The following CNTRL variants were observed in gnomAD, a reference collection of about 807,000 sequenced individuals.
The protein encoded by CNTRL is centriolin.
Under a neutral mutation model 303.7 loss-of-function variants are expected in CNTRL, and 233 were observed. The ratio of observed to expected loss-of-function variants is 0.77; its 90% confidence interval spans 0.69 to 0.86. The LOEUF is 0.86. Among genes scored for constraint, CNTRL ranks in the 40% least tolerant of loss-of-function variants. CNTRL has a pLI of 0.00. For synonymous variants in CNTRL, 900 were observed against 922.2 expected (o/e 0.98, Z 0.44); for missense variants, 2,524 against 2,650.6 (o/e 0.95, Z 1.05).
intron 15 of CNTRL, among the ~76,000 whole-genome samples, chr9:121,137,069 C>T (rs1457577840): frequency 1.3e-5 from 2 of 152,110 alleles, no homozygotes; most frequent in Non-Finnish European, 2.9e-5. Flanking sequence ...GAACGTATGC[C>T]TCCAGGATGC....
chr9:121,139,997 A>G (rs1417048998), intron 16 of CNTRL, among the ~76,000 whole-genome samples: 1 of 152,148 alleles, frequency 6.6e-6, no homozygotes, highest in Non-Finnish European at 1.5e-5. Context: ...CCTGAGTACA[A>G]GTTAAACCCA....
chr9:121,089,470 C>A (rs754515530), intron 3 of CNTRL, among the ~76,000 whole-genome samples: 6 of 152,134 alleles, frequency 3.9e-5, no homozygotes, highest in Non-Finnish European at 8.8e-5. Context: ...GTGGCATTAA[C>A]AGTCTTTGAC....
intron 6 of CNTRL, 104 bp downstream of exon 6, chr9:121,096,667 C>A: frequency 1.1e-6 from 1 of 904,906 alleles, no homozygotes; most frequent in African/African-American, 1.7e-5. Context: ...AAAGATTTTG[C>A]TCCTTTGACT....
intron 1 of CNTRL, among the ~76,000 whole-genome samples, chr9:121,078,707 C>A (rs1442330051): frequency 1.4e-4 from 22 of 152,216 alleles, no homozygotes; most frequent in Non-Finnish European, 2.9e-5. Context: ...AATCAGAGTT[C>A]CCACAACTCC....
intron 26 of CNTRL, 26 bp from the exon 27 acceptor site, chr9:121,154,695 T>C: frequency 4.3e-6 from 6 of 1,403,172 alleles, no homozygotes; most frequent in Non-Finnish European, 6.0e-6. Context: ...TAACATTTTT[T>C]AATGGGTGTA....
chr9:121,101,738 A>G (rs1479227006), intron 7 of CNTRL, among the ~76,000 whole-genome samples: 1 of 152,260 alleles, frequency 6.6e-6, no homozygotes, highest in African/African-American at 2.4e-5. Context: ...AATCCCACAG[A>G]GATACAAACT....
intron 2 of CNTRL, among the ~76,000 whole-genome samples, chr9:121,085,815 T>C (rs1423547187): frequency 1.3e-5 from 2 of 152,138 alleles, no homozygotes; most frequent in Admixed American, 6.5e-5. Context: ...AAAAGATGAC[T>C]AGAGCAATGG....
intron 7 of CNTRL, among the ~76,000 whole-genome samples, chr9:121,102,685 G>A (rs926636950): frequency 1.8e-4 from 28 of 152,140 alleles, no homozygotes; most frequent in African/African-American, 5.6e-4. Flanking sequence ...AAGCTGATAC[G>A]CAACTTCAGC....
intron 1 of CNTRL, among the ~76,000 whole-genome samples, chr9:121,076,685 G>A (rs1268386681): frequency 6.6e-6 from 1 of 152,068 alleles, no homozygotes; most frequent in East Asian, 1.9e-4. Flanking sequence ...TTGGCAATCA[G>A]AATGGGATAA....
At position 121,145,268 on chromosome 9, in the gene CNTRL, G is replaced by A; in HGVS notation, c.3193G>A (p.Gly1065Ser). The A allele has an allele frequency of 1.9e-6, 3 of 1,612,258 alleles. No homozygotes were observed. The highest frequency in any genetic ancestry group is 1.7e-5 in the Admixed American group (1 of 59,480). ...EQFRLEMEKT[G>S]VGTGANSQVL... Reference sequence around the variant, plus strand: ...GTTTCGACTTGAGATGGAGAAAACAGGTGTAGGTACTGGAGCAAACTCACA... The same window carrying A: ...GTTTCGACTTGAGATGGAGAAAACAAGTGTAGGTACTGGAGCAAACTCACA... Residue 1065 changes from glycine to serine, a missense_variant, in exon 22 of 44, where the codon GGT becomes AGT. By Grantham distance (56) the Gly-to-Ser change is moderately conservative. Transcript: ENST00000373855.
chr9:121,099,877 T>C (rs1306076789), intron 7 of CNTRL, among the ~76,000 whole-genome samples: 1 of 151,542 alleles, frequency 6.6e-6, no homozygotes. Flanking sequence ...TAAAAAAAAA[T>C]GAACAAAGCC....
chr9:121,087,587 A>C (rs1331024884), intron 2 of CNTRL, among the ~76,000 whole-genome samples: 1 of 152,198 alleles, frequency 6.6e-6, no homozygotes, highest in East Asian at 1.9e-4. Flanking sequence ...GCTGCTCGGG[A>C]GGTCGAGGCA....
At chr9:121,139,644 G>A (rs1328453485) in intron 16 of CNTRL, among the ~76,000 whole-genome samples, 1 of 152,094 alleles carries the variant, frequency 6.6e-6, no homozygotes, top group East Asian at 1.9e-4. Context: ...TCTTACTTGA[G>A]TTATCATTTT....
chr9:121,135,939 A>G lies in CNTRL; in HGVS notation c.2159A>G (p.Asn720Ser), dbSNP rs770870234. The G allele has an allele frequency of 5.0e-6, 8 of 1,613,404 alleles. No individual in the cohort carries two copies. The highest frequency in any genetic ancestry group is 2.7e-5 in the African/African-American group (2 of 74,914). ...CTAAACCTAAGGGATGCTGAAGCCA[A>G]CCAGCTCAAGGAAGAGTTGGAAAAA... ...ARLNLRDAEA[N>S]QLKEELEKVT... The change falls in exon 15 of 44, where the codon AAC becomes AGC. Residue 720 changes from asparagine to serine, a missense_variant. Asn to Ser is a conservative substitution (Grantham distance 46, BLOSUM62 1). Coordinates refer to ENST00000373855, the MANE Select transcript of CNTRL (RefSeq NM_007018.6).
Position 121,129,654 on chromosome 9 carries a change from G to A in CNTRL, c.2025+3718G>A, listed in dbSNP as rs369516692. Among the ~76,000 whole-genome samples, 18 of 151,970 alleles carry A rather than the reference G, an allele frequency of 1.2e-4. 1 individual carries two copies. Among genetic ancestry groups the A allele is most frequent in the South Asian group, 4.1e-4 (2 of 4,820 alleles). On this transcript the variant is annotated intron_variant, in intron 14 of 43. Transcript: ENST00000373855. ...TTTCTCTTTTCTGATTGCCCTGGCC[G>A]GAACTTCCAACACTATGTTGAATAG... is the stretch of plus-strand genomic sequence containing the variant.
chr9:121,100,776 C>T (rs899627844), intron 7 of CNTRL, among the ~76,000 whole-genome samples: 1 of 152,120 alleles, frequency 6.6e-6, no homozygotes, highest in African/African-American at 2.4e-5. Flanking sequence ...TCTGATAAAA[C>T]AGACTTTAAA....
At chr9:121,129,478 T>C (rs1273673559) in intron 14 of CNTRL, among the ~76,000 whole-genome samples, 1 of 152,224 alleles carries the variant, frequency 6.6e-6, no homozygotes, top group African/African-American at 2.4e-5. Context: ...TTTTGCACAT[T>C]GATTTTTGTA....
intron 23 of CNTRL, among the ~76,000 whole-genome samples, chr9:121,148,036 C>A (rs555360811): frequency 3.7e-4 from 57 of 152,150 alleles, no homozygotes; most frequent in Non-Finnish European, 7.5e-4. Flanking sequence ...GTTTCCTTTG[C>A]CTCAGTCACT....
Position 121,125,881 on chromosome 9 carries a change from A to G in CNTRL, c.1970A>G (p.Glu657Gly). 1 of 1,614,234 alleles carries G rather than the reference A, an allele frequency of 6.2e-7. No individual in the cohort carries two copies. Among genetic ancestry groups the G allele is most frequent in the Non-Finnish European group, 8.5e-7 (1 of 1,180,028 alleles). Reference protein sequence around the residue: ...ETLLQRLTEVEQERDQLEIVA... With the variant: ...ETLLQRLTEVGQERDQLEIVA... ...TTGTTGCAGAGATTGACAGAAGTCGAGCAGGAGAGAGACCAGCTGGAAATA... is the reference window on the plus strand; with the variant it reads ...TTGTTGCAGAGATTGACAGAAGTCGGGCAGGAGAGAGACCAGCTGGAAATA... The change falls in exon 14 of 44, where the codon GAG becomes GGG. Residue 657 changes from glutamate to glycine, a missense_variant. By Grantham distance (98) the Glu-to-Gly change is moderately conservative. Transcript: ENST00000373855.
Sources: gnomAD v4.1 joint callset for allele counts (sites outside exome capture counted in the v4.1 genomes callset) on GRCh38, gnomAD v4.1.1 for gene constraint, MANE v1.5 for transcripts, NCBI Gene and HGNC (gene_info 2026-07-23, HGNC 2026-07-21) for gene names.